Variants in ZSCAN12 observed in about 807,000 individuals in gnomAD.
ZSCAN12 encodes the protein zinc finger and SCAN domain-containing protein 12.
Under a neutral mutation model 23.4 loss-of-function variants are expected in ZSCAN12, and 18 were observed. The observed-to-expected ratio is 0.77, with a 90% CI of 0.53 to 1.14. The LOEUF is 1.14. Among genes scored for constraint, ZSCAN12 ranks in the 50% most tolerant of loss-of-function variants. The pLI, the probability that ZSCAN12 is intolerant of heterozygous loss-of-function variation, is 0.00. For missense variants in ZSCAN12, 650 were observed against 735.0 expected (o/e 0.88, Z 1.34); for synonymous variants, 186 against 253.4 (o/e 0.73, Z 2.53).
At chr6:28,380,974 G>A (rs940738427), downstream of ZSCAN12, 1 of 152,320 alleles carries the variant, frequency 6.6e-6, no homozygotes, top group Admixed American at 6.5e-5. Context: ...TTTACCTAAA[G>A]TGCATGCCTT....
Position 28,390,776 on chromosome 6 carries a change from G to T in ZSCAN12, c.1514C>A (p.Ala505Glu), listed in dbSNP as rs376910254. The change falls in exon 4 of 4, where the codon GCG becomes GAG. Residue 505 changes from alanine (A) to glutamate (E), a missense_variant. Physicochemically the swap from Ala to Glu is moderately radical, Grantham distance 107. Transcript: ENST00000684592. The part of the protein sequence containing the change: ...RPYKCDKCGK[A>E]FTQRSVLTEH... Reference sequence around the variant, plus strand: ...CGTGAGGACTGATCTTTGAGTAAACGCCTTCCCACACTTATCACATTTATA... The same window carrying T: ...CGTGAGGACTGATCTTTGAGTAAACTCCTTCCCACACTTATCACATTTATA... The T allele has an allele frequency of 3.0e-5, 48 of 1,604,482 alleles. No individual in the cohort carries two copies. The highest frequency in any genetic ancestry group is 4.0e-5 in the African/African-American group (3 of 74,682).
At position 28,386,959 on chromosome 6, in the gene ZSCAN12, C is replaced by G. The variant is rs374808405; in HGVS notation, c.*3495G>C. ...TCTCCTGCCTCAGCCTCTCGAGTAG[C>G]TGGGATTACAGGCATGTGCCACCAC... On this transcript the variant is annotated 3_prime_UTR_variant, in exon 4 of 4. Coordinates refer to ENST00000684592, the MANE Select transcript of ZSCAN12 (RefSeq NM_001163391.2). Among the ~76,000 whole-genome samples, 48 of 152,294 alleles carry G rather than the reference C, an allele frequency of 3.2e-4. No individual in the cohort carries two copies. In the South Asian group the frequency reaches 6.6e-3, roughly 21 times the overall value.
chr6:28,393,129 C>G, intron 2 of ZSCAN12, 83 bp from the exon 3 acceptor site: 4 of 1,405,240 alleles, frequency 2.8e-6, no homozygotes, highest in Non-Finnish European at 3.9e-6. Context: ...TGGCTGAACC[C>G]TGAAATGACC....
chr6:28,384,485 G>T (rs1760445435), downstream of ZSCAN12, among the ~76,000 whole-genome samples: 1 of 152,112 alleles, frequency 6.6e-6, no homozygotes, highest in Admixed American at 6.6e-5. Flanking sequence ...GAAAGCTCTG[G>T]GAGCCTTGAC....
rs1271277405 is a variant in ZSCAN12, at chr6:28,391,743, CT to C, written c.548-2del. 2 of 1,512,298 alleles carry C rather than the reference CT, an allele frequency of 1.3e-6. No homozygotes were observed. Among genetic ancestry groups the C allele is most frequent in the African/African-American group, 1.4e-5 (1 of 71,376 alleles). 93.7% of individuals were successfully genotyped at this position (1,512,298 alleles called of 1,614,324 possible). A position where few individuals can be genotyped will look rare whatever the true frequency, so the allele number is the denominator to read the frequency against. ...TCATTTCCAGTCTCAACATCTAAAA[CT>C]AAGAAGGGATCATAAATGTTACCTC... On this transcript the variant is annotated splice_acceptor_variant, in intron 3 of 3. Coordinates refer to ENST00000684592, the MANE Select transcript of ZSCAN12 (RefSeq NM_001163391.2). LOFTEE classifies it high-confidence loss of function. This position sits in a 1 kb window ranked among gnomAD's most constrained non-coding sequence, Gnocchi z 4.1.
chr6:28,393,736 CAAA>C (rs60481063), intron 2 of ZSCAN12, among the ~76,000 whole-genome samples: 6 of 90,756 alleles, frequency 6.6e-5, no homozygotes, highest in Admixed American at 1.2e-4. Context: ...ACTGTAGCTC[CAAA>C]AAAAAAAAAA....
intron 1 of ZSCAN12, among the ~76,000 whole-genome samples, 187 bp downstream of exon 1, chr6:28,399,470 C>G (rs537161317): frequency 1.3e-5 from 2 of 152,342 alleles, no homozygotes; most frequent in East Asian, 1.9e-4. Context: ...GCTGCAGAGA[C>G]TGGGAGCCAA....
chr6:28,392,645 G>A (rs1447700176), intron 3 of ZSCAN12, among the ~76,000 whole-genome samples: 1 of 152,130 alleles, frequency 6.6e-6, no homozygotes, highest in Admixed American at 6.5e-5. Flanking sequence ...TAGCAAGGAG[G>A]TCAGTATAAA....
rs1052610737 is a variant in ZSCAN12, at chr6:28,387,074, C to T, written c.*3380G>A. ...CCTCCTGACCTCGTGATCCGCCCAC[C>T]TCGGCCTCCCAAAGTGCTGGGATTA... On this transcript the variant is annotated 3_prime_UTR_variant, in exon 4 of 4. Transcript: ENST00000684592. Among the ~76,000 whole-genome samples the T allele has an allele frequency of 6.6e-6, 1 of 152,192 alleles. No homozygotes were observed. Among genetic ancestry groups the T allele is most frequent in the African/African-American group, 2.4e-5 (1 of 41,446 alleles).
Position 28,398,414 on chromosome 6 carries a change from T to C in ZSCAN12, c.-9A>G. ...GCCCAAGTAGATGCCATTTTAGCTG[T>C]GCTAGAACTACCGGTGTTTCAAGTA... is the stretch of plus-strand genomic sequence containing the variant. On this transcript the variant is annotated 5_prime_UTR_variant, in exon 2 of 4. Transcript: ENST00000684592. 6.5e-7 allele frequency: 1 copy of C among 1,529,348 alleles called. No individual in the cohort carries two copies. The highest frequency in any genetic ancestry group is 8.8e-7 in the Non-Finnish European group (1 of 1,134,334). 94.7% of individuals were successfully genotyped at this position (1,529,348 alleles called of 1,614,324 possible). A position where few individuals can be genotyped will look rare whatever the true frequency, so the allele number is the denominator to read the frequency against.
At chr6:28,383,853 G>A (rs535219036), downstream of ZSCAN12, among the ~76,000 whole-genome samples, 29 of 152,330 alleles carry the variant, frequency 1.9e-4, no homozygotes, top group South Asian at 1.7e-3. Flanking sequence ...GAAACATGCA[G>A]CTTGGTTAAA....
rs1157207408 is a variant in ZSCAN12, at chr6:28,387,322, A to T, written c.*3132T>A. 6.6e-6 allele frequency among the ~76,000 whole-genome samples: 1 copy of T among 152,246 alleles called. No individual in the cohort carries two copies. The highest frequency in any genetic ancestry group is 2.4e-5 in the African/African-American group (1 of 41,478). Reference sequence around the variant, plus strand: ...AAAATGAACTGGAAAGACCCCAAGTAAAGGCACTCAGAGGAGTAGAAGGCA... The same window carrying T: ...AAAATGAACTGGAAAGACCCCAAGTTAAGGCACTCAGAGGAGTAGAAGGCA... On this transcript the variant is annotated 3_prime_UTR_variant, in exon 4 of 4. Coordinates refer to ENST00000684592, the MANE Select transcript of ZSCAN12 (RefSeq NM_001163391.2).
rs373834349 is a variant in ZSCAN12, at chr6:28,392,134, C to G, written c.548-392G>C. On this transcript the variant is annotated intron_variant, in intron 3 of 3. Transcript: ENST00000684592. Reference sequence around the variant, plus strand: ...TAAGGTAGCGGATCTTTCACACATTCACCAACTTTTAATATTTTGCAACAT... The same window carrying G: ...TAAGGTAGCGGATCTTTCACACATTGACCAACTTTTAATATTTTGCAACAT... Among the ~76,000 whole-genome samples, 8 of 151,646 alleles carry G rather than the reference C, an allele frequency of 5.3e-5. No individual in the cohort carries two copies. In the East Asian group the frequency reaches 5.8e-4, roughly 11 times the overall value.
chr6:28,391,945 C>A lies in ZSCAN12; in HGVS notation c.548-203G>T, dbSNP rs562168684. 2.0e-5 allele frequency among the ~76,000 whole-genome samples: 3 copies of A among 152,230 alleles called. No homozygotes were observed. The highest frequency in any genetic ancestry group is 2.1e-4 in the South Asian group (1 of 4,822). On this transcript the variant is annotated intron_variant, in intron 3 of 3. Coordinates refer to ENST00000684592, the MANE Select transcript of ZSCAN12 (RefSeq NM_001163391.2). The surrounding 1 kb of genome is among the most constrained non-coding windows in gnomAD (Gnocchi z 4.1). ...ACACACGAAAAATTAGTAACAGTTA[C>A]AACCTATTTCAGAGTAGGAGGAAGA...
chr6:28,388,685 T>C lies in ZSCAN12; in HGVS notation c.*1769A>G, dbSNP rs1760669432. Among the ~76,000 whole-genome samples, 1 of 152,172 alleles carries C rather than the reference T, an allele frequency of 6.6e-6. No homozygotes were observed. Among genetic ancestry groups the C allele is most frequent in the Non-Finnish European group, 1.5e-5 (1 of 68,020 alleles). ...GATTACCCTTCTTTTATTTTTCCCC[T>C]TCCCCTTTTGTCACTGTCTCACCAC... On this transcript the variant is annotated 3_prime_UTR_variant, in exon 4 of 4. Transcript: ENST00000684592.
intron 2 of ZSCAN12, among the ~76,000 whole-genome samples, chr6:28,397,511 T>C (rs1353639500): frequency 6.6e-6 from 1 of 152,118 alleles, no homozygotes; most frequent in Non-Finnish European, 1.5e-5. Flanking sequence ...TTTCTGCTAC[T>C]CAAAGAAACA....
downstream of ZSCAN12, chr6:28,381,293 G>A (rs778353552): frequency 2.0e-5 from 3 of 152,194 alleles, no homozygotes; most frequent in Non-Finnish European, 2.9e-5. Flanking sequence ...TAAACCTACA[G>A]AATGTTCAAT....
rs1013665157 is a variant in ZSCAN12 at position 28,385,290 on chromosome 6, GC to G, written c.*5163del. On this transcript the variant is annotated 3_prime_UTR_variant, in exon 4 of 4. Transcript: ENST00000684592. ...GAAGGGTGATCTTTTCATATAAAGA[GC>G]CCATTTTTAAAGTGGAATGTCTCCT... is the stretch of plus-strand genomic sequence containing the variant. Among the ~76,000 whole-genome samples, 21 of 152,218 alleles carry G rather than the reference GC, an allele frequency of 1.4e-4. No homozygotes were observed. Among genetic ancestry groups the G allele is most frequent in the African/African-American group, 4.3e-4 (18 of 41,520 alleles).
chr6:28,385,159 G>A lies in ZSCAN12; in HGVS notation c.*5295C>T, dbSNP rs1308930213. Among the ~76,000 whole-genome samples, 1 of 152,120 alleles carries A rather than the reference G, an allele frequency of 6.6e-6. No homozygotes were observed. Among genetic ancestry groups the A allele is most frequent in the Non-Finnish European group, 1.5e-5 (1 of 68,034 alleles). On this transcript the variant is annotated 3_prime_UTR_variant, in exon 4 of 4. Coordinates refer to ENST00000684592, the MANE Select transcript of ZSCAN12 (RefSeq NM_001163391.2). ...CTGGCATTAAAGATAGATCCATAAT[G>A]GGTTATCAACACTTGGGGACAAATC...
Sources: allele counts gnomAD v4.1 joint callset (sites outside exome capture counted in the v4.1 genomes callset), GRCh38; gene constraint gnomAD v4.1.1; non-coding constraint Gnocchi (gnomAD v3.1); transcripts MANE v1.5; gene names NCBI Gene and HGNC (gene_info 2026-07-23, HGNC 2026-07-21).